MYO18A: variants seen among roughly 807,000 people sequenced by gnomAD.
MYO18A encodes unconventional myosin-XVIIIa.
Under a neutral mutation model 235.8 loss-of-function variants are expected in MYO18A, and 78 were observed. The observed-to-expected ratio is 0.33, with a 90% confidence interval of 0.28 to 0.40. The LOEUF is 0.40. Ranked by LOEUF, MYO18A falls within the 10% of genes least tolerant of loss-of-function variation. MYO18A has a pLI of 1.00. For missense variants in MYO18A, 2,215 were observed against 2,699.3 expected (o/e 0.82, Z 3.98); for synonymous variants, 977 against 1,077.8 (o/e 0.91, Z 1.83).
At position 29,090,857 on chromosome 17, in the gene MYO18A, C is replaced by A. The variant is rs1437750507; in HGVS notation, c.5257G>T (p.Glu1753Ter). ...EIQNRLEEDQEDMNELMKKHK... is the reference protein window; with the variant it reads ...EIQNRLEEDQ Reference sequence around the variant, plus strand: ...TTCTTCATCAATTCGTTCATGTCTTCCTGATCTTCCTCCAGCCGGTTCTGG... The same window carrying A: ...TTCTTCATCAATTCGTTCATGTCTTACTGATCTTCCTCCAGCCGGTTCTGG... Residue 1753 changes from glutamate (E) to a stop codon, truncating the protein, a stop_gained, in exon 35 of 42, where the codon GAA becomes TAA. Coordinates refer to ENST00000527372, the MANE Select transcript of MYO18A (RefSeq NM_078471.4). LOFTEE classifies it high-confidence loss of function. 3 of 1,614,080 alleles carry A rather than the reference C, an allele frequency of 1.9e-6. No homozygotes were observed. The highest frequency in any genetic ancestry group is 2.5e-6 in the Non-Finnish European group (3 of 1,179,908).
intron 40 of MYO18A, among the ~76,000 whole-genome samples, chr17:29,085,376 C>A (rs2066227598): frequency 6.6e-6 from 1 of 152,222 alleles, no homozygotes; most frequent in Non-Finnish European, 1.5e-5. Flanking sequence ...TCCTGCCCAC[C>A]AAGGGTGCAC....
Position 29,114,047 on chromosome 17 carries a change from A to T in MYO18A, c.2562T>A (p.Ser854=). The change falls in exon 15 of 42, where the codon TCT becomes TCA. Residue 854 remains serine, a synonymous_variant. Transcript: ENST00000527372. ...GGGAGGCCTGGTCCACAGCAGCCAC[A>T]GAGTCATCCGTCGGGGGTTCCAAGT... ...FDDLEPPTDD[S]VAAVDQASHQ... is the part of the protein sequence containing the mutation. The T allele has an allele frequency of 1.2e-6, 2 of 1,604,142 alleles. No individual in the cohort carries two copies. The highest frequency in any genetic ancestry group is 1.7e-6 in the Non-Finnish European group (2 of 1,175,630).
chr17:29,084,031 T>C (rs2066188143), intron 40 of MYO18A, among the ~76,000 whole-genome samples: 1 of 152,188 alleles, frequency 6.6e-6, no homozygotes, highest in Non-Finnish European at 1.5e-5. Flanking sequence ...AATCGAAACA[T>C]TATTTCTCTG....
chr17:29,096,972 G>A, intron 27 of MYO18A, 57 bp from the exon 28 acceptor site: 1 of 1,481,122 alleles, frequency 6.8e-7, no homozygotes, highest in South Asian at 1.3e-5. Context: ...GGTGGAGAAG[G>A]TGAGGAGAGG....
intron 41 of MYO18A, chr17:29,079,652 C>T: frequency 1.1e-6 from 1 of 943,792 alleles, no homozygotes; most frequent in Non-Finnish European, 1.3e-6. Context: ...AAGGTGGCGG[C>T]CTGAGGGGCA....
At position 29,085,086 on chromosome 17, in the gene MYO18A, C is replaced by T. The variant is rs2066220274; in HGVS notation, c.5897+518G>A. 3.3e-5 allele frequency among the ~76,000 whole-genome samples: 5 copies of T among 152,374 alleles called. No individual in the cohort carries two copies. The South Asian group carries it at 1.0e-3, about 32-fold the overall frequency. On this transcript the variant is annotated intron_variant, in intron 40 of 41. Transcript: ENST00000527372. The stretch of plus-strand genomic sequence containing the variant: ...CCATGATTAGCTGCCTGAATGCTTT[C>T]TCCAAACAAGAAACTGGGAGATGCC...
In MYO18A at chr17:29,158,282, G is replaced by A. The variant is rs2068101655; in HGVS notation, c.999+7660C>T. Among the ~76,000 whole-genome samples the A allele has an allele frequency of 6.6e-6, 1 of 152,212 alleles. No homozygotes were observed. The highest frequency in any genetic ancestry group is 2.4e-5 in the African/African-American group (1 of 41,454). On this transcript the variant is annotated intron_variant, in intron 2 of 41. Coordinates refer to ENST00000527372, the MANE Select transcript of MYO18A (RefSeq NM_078471.4). This position sits in a 1 kb window ranked among gnomAD's most constrained non-coding sequence, Gnocchi z 4.3. ...GGCAGAACACCATGCCCTGATTCTG[G>A]AGAACATATGGCGGGAGATTAAGGG... is the stretch of plus-strand genomic sequence containing the variant.
At chr17:29,080,038 C>A (rs1360242593) in intron 41 of MYO18A, 2 of 985,964 alleles carry the variant, frequency 2.0e-6, no homozygotes, top group African/African-American at 3.5e-5. Flanking sequence ...GGAGCTGGAG[C>A]TGGAGCTGCT....
chr17:29,124,745 T>C, intron 2 of MYO18A: 1 of 1,228,428 alleles, frequency 8.1e-7, no homozygotes, highest in Non-Finnish European at 1.1e-6. Context: ...AGCAGACCAC[T>C]GGCACGCCCC....
chr17:29,112,765 C>T (rs977317928), intron 15 of MYO18A, among the ~76,000 whole-genome samples: 30 of 152,308 alleles, frequency 2.0e-4, no homozygotes, highest in Admixed American at 1.9e-3. Context: ...GAGAAAAGGG[C>T]CATTTTTCCT....
chr17:29,081,361 G>A (rs117704815), intron 41 of MYO18A, among the ~76,000 whole-genome samples: 2 of 152,280 alleles, frequency 1.3e-5, no homozygotes, highest in East Asian at 1.9e-4. Context: ...GCAGTGGGGC[G>A]GGGAAGCCGG....
rs1050184539 is a variant in MYO18A at position 29,073,614 on chromosome 17, G to A, written c.*1156C>T. The A allele has an allele frequency of 7.4e-5, 34 of 458,390 alleles. No homozygotes were observed. The highest frequency in any genetic ancestry group is 1.2e-4 in the Non-Finnish European group (31 of 258,466). The allele number at this position is 458,390 out of a possible 1,614,324, so 28.4% of individuals were successfully genotyped here. ...ACCAATTGCAGGAGAGAAGGGGGGC[G>A]GCAGATGGGAGCAGCACCAGGCACT... On this transcript the variant is annotated 3_prime_UTR_variant, in exon 42 of 42. Transcript: ENST00000527372.
At chr17:29,094,385 G>T in intron 30 of MYO18A, 1 of 601,614 alleles carries the variant, frequency 1.7e-6, no homozygotes, top group Admixed American at 3.0e-5. Flanking sequence ...AGGCTGGGTG[G>T]GCCTGTGGCC....
intron 2 of MYO18A, among the ~76,000 whole-genome samples, chr17:29,141,168 G>C (rs535122911): frequency 3.3e-4 from 51 of 152,332 alleles, no homozygotes; most frequent in Non-Finnish European, 5.3e-4. Context: ...GTGGGCCTCA[G>C]CCCTGCAGAC....
chr17:29,124,716 G>C, intron 2 of MYO18A: 5 of 1,276,556 alleles, frequency 3.9e-6, no homozygotes, highest in Non-Finnish European at 5.1e-6. Flanking sequence ...AGGAGAGAGA[G>C]AGAAGAAGGG....
chr17:29,109,882 C>T lies in MYO18A; in HGVS notation c.3307G>A (p.Asp1103Asn), dbSNP rs1351850813. 3 of 1,566,444 alleles carry T rather than the reference C, an allele frequency of 1.9e-6. No individual in the cohort carries two copies. Among genetic ancestry groups the T allele is most frequent in the Middle Eastern group, 1.7e-4 (1 of 5,774 alleles). ...RTQLRGSRLL[D>N]AMRMYRQGYP... ...CCTTGGCGGTACATGCGCATGGCAT[C>T]GAGCAGGCGGGAGCCGCGGAGCTGG... is the stretch of plus-strand genomic sequence containing the variant. Residue 1103 changes from aspartate (D) to asparagine (N), a missense_variant, in exon 19 of 42, where the codon GAT becomes AAT. By Grantham distance (23) the Asp-to-Asn change is conservative. Coordinates refer to ENST00000527372, the MANE Select transcript of MYO18A (RefSeq NM_078471.4). The surrounding 1 kb of genome is among the most constrained non-coding windows in gnomAD (Gnocchi z 4.1).
At chr17:29,124,683 G>A (rs1047002987) in intron 2 of MYO18A, 20 of 1,285,176 alleles carry the variant, frequency 1.6e-5, no homozygotes, top group Non-Finnish European at 2.0e-5. Context: ...CGGCCTCAGA[G>A]TCCAGCTACC....
rs556180276 is a variant in MYO18A at position 29,166,681 on chromosome 17, C to G, written c.260G>C (p.Arg87Pro). ...HLTDIDSDSN[R>P]GSVILDSGHL... is the part of the protein sequence containing the mutation. ...GCCCGAGTCCAGGATGACGCTGCCC[C>G]GGTTACTATCGGAGTCAATGTCAGT... The change falls in exon 2 of 42, where the codon CGG (arginine) becomes CCG (proline). Residue 87 changes from arginine to proline, a missense_variant. Transcript: ENST00000527372. 2.5e-6 allele frequency: 4 copies of G among 1,613,686 alleles called. No individual in the cohort carries two copies. Among genetic ancestry groups the G allele is most frequent in the East Asian group, 4.5e-5 (2 of 44,860 alleles).
At chr17:29,113,891 AC>A (rs1190777617) in intron 15 of MYO18A, 119 bp downstream of exon 15, 2 of 750,330 alleles carry the variant, frequency 2.7e-6, no homozygotes, top group Admixed American at 4.4e-5. Context: ...TAGCTGCTGG[AC>A]CCTCCCTCAG....
Sources: gnomAD v4.1 joint callset for allele counts (sites outside exome capture counted in the v4.1 genomes callset) on GRCh38, gnomAD v4.1.1 for gene constraint, Gnocchi (gnomAD v3.1) non-coding constraint, MANE v1.5 for transcripts, NCBI Gene and HGNC (gene_info 2026-07-23, HGNC 2026-07-21) for gene names.